The following VWA3B variants were observed in gnomAD, a reference collection of about 807,000 sequenced individuals.
VWA3B encodes the protein von Willebrand factor A domain containing 3B, also known as von Willebrand factor A domain-containing protein 3B.
In VWA3B, 138 loss-of-function variants were observed where a neutral mutation model predicts 158.3. The observed-to-expected ratio is 0.87, with a 90% CI of 0.76 to 1.00. The LOEUF is 1.00. Ranked by LOEUF, VWA3B falls within the 50% of genes least tolerant of loss-of-function variation. The pLI, the probability that VWA3B is intolerant of heterozygous loss-of-function variation, is 0.00. For missense variants in VWA3B, 1,555 were observed against 1,565.1 expected (o/e 0.99, Z 0.11); for synonymous variants, 596 against 587.3 (o/e 1.01, Z -0.21).
chr2:98,303,623 G>A, intron 25 of VWA3B, 79 bp from the exon 26 acceptor site: 1 of 1,351,874 alleles, frequency 7.4e-7, no homozygotes, highest in African/African-American at 1.4e-5. Context: ...ATTATAATGG[G>A]TTGAGCTAGA....
chr2:98,308,456 CAT>C lies in VWA3B; in HGVS notation c.3522-3360_3522-3359del, dbSNP rs370610305. ...GTCTATAACTGCCTCCATTTGAGAA[CAT>C]ATGTGTAGTTTCTCCCATGTGGTCC... On this transcript the variant is annotated intron_variant, in intron 26 of 27. Transcript: ENST00000477737. Among the ~76,000 whole-genome samples, 65 of 152,380 alleles carry C rather than the reference CAT, an allele frequency of 4.3e-4. No homozygotes were observed. In the East Asian group the frequency reaches 5.2e-3, roughly 12 times the overall value.
intron 22 of VWA3B, among the ~76,000 whole-genome samples, chr2:98,281,447 C>G (rs1025866948): frequency 1.3e-5 from 2 of 152,090 alleles, no homozygotes; most frequent in African/African-American, 2.4e-5. Context: ...GCTGCTGTTA[C>G]GACAATTAGG....
intron 7 of VWA3B, among the ~76,000 whole-genome samples, chr2:98,139,622 C>G (rs2105089056): frequency 6.6e-6 from 1 of 152,226 alleles, no homozygotes; most frequent in East Asian, 1.9e-4. Flanking sequence ...CACTCTGTAT[C>G]TAGCTACTCT....
chr2:98,256,139 T>A lies in VWA3B; in HGVS notation c.2808T>A (p.Ile936=), dbSNP rs1192987514. 6.2e-7 allele frequency: 1 copy of A among 1,613,464 alleles called. No individual in the cohort carries two copies. The highest frequency in any genetic ancestry group is 8.5e-7 in the Non-Finnish European group (1 of 1,179,864). Residue 936 remains isoleucine (I), a synonymous_variant, in exon 21 of 28, where the codon ATT becomes ATA. Transcript: ENST00000477737. ...TTTTTAACAGGCGCTTGAATAAAAT[T>A]GTTTGGCGAGCATTATCTCAAGAGG... ...IQSYEKRLNK[I]VWRALSQEEK...
chr2:98,280,975 C>A (rs1006904313), intron 22 of VWA3B, among the ~76,000 whole-genome samples: 3 of 152,144 alleles, frequency 2.0e-5, no homozygotes, highest in Admixed American at 6.5e-5. Context: ...TTCTTTAGCA[C>A]AATATTTGCC....
At chr2:98,156,298 C>T (rs1678068089) in intron 7 of VWA3B, among the ~76,000 whole-genome samples, 1 of 152,220 alleles carries the variant, frequency 6.6e-6, no homozygotes, top group Admixed American at 6.5e-5. Context: ...CTTCCTAGTT[C>T]CTAAGTCAGT....
At chr2:98,289,192 T>C (rs1258427385) in intron 22 of VWA3B, among the ~76,000 whole-genome samples, 2 of 152,202 alleles carry the variant, frequency 1.3e-5, no homozygotes, top group African/African-American at 4.8e-5. Flanking sequence ...ATCATTATTT[T>C]TGCATATGTT....
chr2:98,256,575 C>T (rs115014320), intron 21 of VWA3B, among the ~76,000 whole-genome samples: 270 of 152,310 alleles, frequency 1.8e-3, no homozygotes, highest in Admixed American at 4.2e-3. Context: ...CCACGTTTGT[C>T]TGTCCATTCT....
intron 21 of VWA3B, among the ~76,000 whole-genome samples, chr2:98,260,630 C>T (rs531617537): frequency 2.4e-4 from 36 of 151,736 alleles, no homozygotes; most frequent in Non-Finnish European, 3.4e-4. Flanking sequence ...TAGAACCAAT[C>T]CCCCATGGAT....
intron 2 of VWA3B, among the ~76,000 whole-genome samples, chr2:98,110,080 C>A (rs1054294340): frequency 3.4e-5 from 5 of 145,044 alleles, no homozygotes; most frequent in African/African-American, 1.3e-4. Context: ...TCTTTGAATT[C>A]TTTTTTTTTT....
chr2:98,106,016 C>T (rs180775647), intron 2 of VWA3B, among the ~76,000 whole-genome samples: 13 of 152,040 alleles, frequency 8.6e-5, no homozygotes, highest in East Asian at 5.8e-4. Flanking sequence ...CCCAGGTTCA[C>T]GCCATTCTCC....
At chr2:98,278,175 G>A (rs1055366216) in intron 22 of VWA3B, among the ~76,000 whole-genome samples, 2 of 152,148 alleles carry the variant, frequency 1.3e-5, no homozygotes, top group African/African-American at 2.4e-5. Context: ...CCCTTCATGG[G>A]ACTTGCAAAG....
chr2:98,203,569 A>G (rs541764430), intron 12 of VWA3B, among the ~76,000 whole-genome samples: 34 of 152,336 alleles, frequency 2.2e-4, no homozygotes, highest in Middle Eastern at 6.8e-3. Context: ...TGAATACAGT[A>G]TGTCTCTCTG....
chr2:98,130,825 C>T (rs1050680338), intron 6 of VWA3B, among the ~76,000 whole-genome samples: 1 of 152,190 alleles, frequency 6.6e-6, no homozygotes, highest in African/African-American at 2.4e-5. Context: ...TCTCTCTTTT[C>T]GCCACAGGCC....
At chr2:98,150,595 G>A (rs1417851349) in intron 7 of VWA3B, among the ~76,000 whole-genome samples, 2 of 152,224 alleles carry the variant, frequency 1.3e-5, no homozygotes, top group Non-Finnish European at 2.9e-5. Flanking sequence ...CCTTGATTCT[G>A]TGGCTTGGTG....
intron 14 of VWA3B, among the ~76,000 whole-genome samples, chr2:98,222,299 C>A (rs993200820): frequency 6.6e-6 from 1 of 152,230 alleles, no homozygotes; most frequent in African/African-American, 2.4e-5. Flanking sequence ...ACAAAAATAG[C>A]TGGGAGAGCT....
At chr2:98,220,724 T>C (rs1167263686) in intron 14 of VWA3B, among the ~76,000 whole-genome samples, 1 of 152,106 alleles carries the variant, frequency 6.6e-6, no homozygotes, top group African/African-American at 2.4e-5. Flanking sequence ...CCAACCCAAA[T>C]GCCCATCAAT....
chr2:98,293,529 C>A (rs529071584), intron 23 of VWA3B, among the ~76,000 whole-genome samples: 1 of 152,236 alleles, frequency 6.6e-6, no homozygotes, highest in Admixed American at 6.5e-5. Context: ...AGAAAAGTCA[C>A]AAGAATAATA....
intron 13 of VWA3B, among the ~76,000 whole-genome samples, chr2:98,212,745 C>A (rs1683638336): frequency 6.6e-6 from 1 of 152,214 alleles, no homozygotes; most frequent in South Asian, 2.1e-4. Flanking sequence ...GAGTAAGCAT[C>A]TGGATTTTAC....
Sources: allele counts gnomAD v4.1 joint callset (sites outside exome capture counted in the v4.1 genomes callset), GRCh38; gene constraint gnomAD v4.1.1; transcripts MANE v1.5; gene names NCBI Gene and HGNC (gene_info 2026-07-23, HGNC 2026-07-21).